The following MECOM variants were observed in gnomAD, a reference collection of about 807,000 sequenced individuals.
MECOM encodes MDS1 and EVI1 complex locus, also known as histone-lysine N-methyltransferase MECOM.
In MECOM, 13 loss-of-function variants were observed where a neutral mutation model predicts 116.3. The observed-to-expected ratio is 0.11, with a 90% CI of 0.07 to 0.18. The LOEUF is 0.18. Among genes scored for constraint, MECOM ranks in the 10% least tolerant of loss-of-function variants. The pLI is 1.00. For missense variants in MECOM, 1,299 were observed against 1,509.0 expected, an observed-to-expected ratio of 0.86 and a Z score of 2.31; for synonymous variants, 528 against 535.2, an observed-to-expected ratio of 0.99 and a Z score of 0.19.
chr3:169,304,131 A>C (rs1717260946), intron 2 of MECOM, among the ~76,000 whole-genome samples: 1 of 152,240 alleles, frequency 6.6e-6, no homozygotes, highest in South Asian at 2.1e-4. Flanking sequence ...AATCAATTGA[A>C]TCAAATTATC....
chr3:169,601,091 A>G (rs1050875581), intron 1 of MECOM, among the ~76,000 whole-genome samples: 6 of 152,232 alleles, frequency 3.9e-5, no homozygotes, highest in Non-Finnish European at 7.3e-5. Flanking sequence ...TACATGTACC[A>G]TGAAAGCCAG....
chr3:169,619,730 C>T (rs1394687375), intron 1 of MECOM, among the ~76,000 whole-genome samples: 5 of 152,184 alleles, frequency 3.3e-5, no homozygotes, highest in Non-Finnish European at 4.4e-5. Flanking sequence ...AACAGCCCTA[C>T]TCTCCCCTTC....
chr3:169,170,876 T>C (rs1399567292), intron 2 of MECOM, among the ~76,000 whole-genome samples: 1 of 152,220 alleles, frequency 6.6e-6, no homozygotes, highest in Non-Finnish European at 1.5e-5. Context: ...CCATAGACAA[T>C]TTGATTCTCA....
chr3:169,644,561 C>A (rs1397616610), intron 1 of MECOM, among the ~76,000 whole-genome samples: 3 of 152,048 alleles, frequency 2.0e-5, no homozygotes, highest in Non-Finnish European at 4.4e-5. Context: ...CCGGCCCCTA[C>A]CATTTTATAT....
At position 169,085,016 on chromosome 3, in the gene MECOM, C is replaced by T; in HGVS notation, c.3613G>A (p.Asp1205Asn). ...QAYAMMLSLSDKESLHSTSHS... is the reference protein window; with the variant it reads ...QAYAMMLSLSNKESLHSTSHS... ...GATGTAGAATGGAGGGACTCCTTGT[C>T]AGACAGTGACAGCATCATAGCATAT... is the stretch of plus-strand genomic sequence containing the variant. Residue 1205 changes from aspartate to asparagine, a missense_variant, in exon 17 of 17, where the codon GAC becomes AAC. Transcript: ENST00000651503. 1 of 1,614,088 alleles carries T rather than the reference C, an allele frequency of 6.2e-7. No homozygotes were observed. The highest frequency in any genetic ancestry group is 2.2e-5 in the East Asian group (1 of 44,870).
intron 2 of MECOM, among the ~76,000 whole-genome samples, chr3:169,376,050 A>C (rs1730977022): frequency 6.6e-6 from 1 of 152,146 alleles, no homozygotes; most frequent in African/African-American, 2.4e-5. Flanking sequence ...AACATAATCC[A>C]TCACATAAAC....
chr3:169,160,009 G>A (rs750787789), intron 2 of MECOM, among the ~76,000 whole-genome samples: 9 of 152,280 alleles, frequency 5.9e-5, no homozygotes, highest in South Asian at 4.1e-4. Context: ...CAATAAAATC[G>A]TTGGTACTTC....
chr3:169,113,738 C>A (rs996488642), intron 8 of MECOM, among the ~76,000 whole-genome samples: 2 of 152,030 alleles, frequency 1.3e-5, no homozygotes, highest in Non-Finnish European at 2.9e-5. Context: ...ACTCTTAAAG[C>A]AGAATAAAAT....
chr3:169,194,345 A>T (rs1303846837), intron 2 of MECOM, among the ~76,000 whole-genome samples: 1 of 152,074 alleles, frequency 6.6e-6, no homozygotes, highest in Non-Finnish European at 1.5e-5. Flanking sequence ...GGATAGCATT[A>T]GGAGATATAC....
At chr3:169,412,038 C>A (rs1351663580) in intron 1 of MECOM, among the ~76,000 whole-genome samples, 1 of 151,818 alleles carries the variant, frequency 6.6e-6, no homozygotes, top group African/African-American at 2.4e-5. Context: ...GTAATCCCAG[C>A]ACTTTGGGAG....
In MECOM at chr3:169,098,240, T is replaced by C. The variant is rs549263986; in HGVS notation, c.2849+2645A>G. Among the ~76,000 whole-genome samples, 7 of 152,326 alleles carry C rather than the reference T, an allele frequency of 4.6e-5. No individual in the cohort carries two copies. The South Asian group carries it at 1.2e-3, about 27-fold the overall frequency. On this transcript the variant is annotated intron_variant, in intron 12 of 16. Transcript: ENST00000651503. ...CACCAATTTTCTCCAGTGCTCTTTT[T>C]CTGTTCCAGGATCTGATCTATGATC...
intron 10 of MECOM, among the ~76,000 whole-genome samples, chr3:169,104,193 G>A (rs1412642370): frequency 2.6e-5 from 4 of 152,140 alleles, no homozygotes; most frequent in African/African-American, 9.7e-5. Flanking sequence ...CTGATCACAG[G>A]GCAGAGATAT....
chr3:169,531,065 C>T (rs767534062), intron 1 of MECOM, among the ~76,000 whole-genome samples: 2 of 152,114 alleles, frequency 1.3e-5, no homozygotes, highest in African/African-American at 2.4e-5. Context: ...TAGTGTGGGT[C>T]CCATCCCTGA....
Position 169,659,069 on chromosome 3 carries a change from C to T in MECOM, c.37+4267G>A, listed in dbSNP as rs1422431638. 2.4e-5 allele frequency among the ~76,000 whole-genome samples: 3 copies of T among 127,572 alleles called. No individual in the cohort carries two copies. In the Admixed American group the frequency reaches 2.4e-4, roughly 10 times the overall value. 83.7% of individuals were successfully genotyped at this position (127,572 alleles called of 152,430 possible). The stretch of plus-strand genomic sequence containing the variant: ...ATTGCTTACGACTCCTCACCTTCAA[C>T]TCCAAAAAAAAAAAAAAAAAAAGAA... On this transcript the variant is annotated intron_variant, in intron 1 of 16. Transcript: ENST00000651503.
intron 2 of MECOM, among the ~76,000 whole-genome samples, chr3:169,232,439 GAA>G (rs5854320): frequency 1.3e-5 from 2 of 150,856 alleles, no homozygotes; most frequent in African/African-American, 4.9e-5. Context: ...TCTTAAAAAA[GAA>G]AAAAAAAAGG....
chr3:169,438,115 T>A (rs1007263291), intron 1 of MECOM, among the ~76,000 whole-genome samples: 3 of 152,214 alleles, frequency 2.0e-5, no homozygotes, highest in African/African-American at 7.2e-5. Context: ...TAAATGATTT[T>A]TAAACAGCCA....
chr3:169,343,549 G>C (rs1724903505), intron 2 of MECOM, among the ~76,000 whole-genome samples: 1 of 152,134 alleles, frequency 6.6e-6, no homozygotes, highest in African/African-American at 2.4e-5. Flanking sequence ...AAGAAAAAAA[G>C]TCTAAGAACT....
chr3:169,314,027 G>A (rs1719281994), intron 2 of MECOM, among the ~76,000 whole-genome samples: 1 of 152,094 alleles, frequency 6.6e-6, no homozygotes, highest in African/African-American at 2.4e-5. Context: ...AGAATGTAAG[G>A]TTCCTTATGG....
intron 1 of MECOM, among the ~76,000 whole-genome samples, chr3:169,657,399 T>A (rs896177445): frequency 6.6e-6 from 1 of 152,260 alleles, no homozygotes; most frequent in Non-Finnish European, 1.5e-5. Flanking sequence ...GTTTGTTTAT[T>A]TTTTTAAAAT....
Sources: gnomAD v4.1 joint callset for allele counts (sites outside exome capture counted in the v4.1 genomes callset) on GRCh38, gnomAD v4.1.1 for gene constraint, MANE v1.5 for transcripts, NCBI Gene and HGNC (gene_info 2026-07-23, HGNC 2026-07-21) for gene names.